Variants in CYP4Z1 observed in about 807,000 individuals in gnomAD.
CYP4Z1 encodes cytochrome P450 family 4 subfamily Z member 1.
Under a neutral mutation model 54.2 loss-of-function variants are expected in CYP4Z1, and 41 were observed. The observed-to-expected ratio is 0.76, with a 90% CI of 0.59 to 0.98. CYP4Z1 has a LOEUF of 0.98. Among genes scored for constraint, CYP4Z1 ranks in the 50% least tolerant of loss-of-function variants. The pLI is 0.00. For synonymous variants in CYP4Z1, 163 were observed against 206.2 expected (o/e 0.79, Z 1.79); for missense variants, 513 against 599.0 (o/e 0.86, Z 1.50).
At chr1:47,099,057 G>A (rs1429723862) in intron 7 of CYP4Z1, 37 bp from the exon 8 acceptor site, 1 of 1,609,300 alleles carries the variant, frequency 6.2e-7, no homozygotes, top group East Asian at 2.2e-5. Context: ...ACAATCCATA[G>A]CCAGCTTTGG....
intron 7 of CYP4Z1, among the ~76,000 whole-genome samples, chr1:47,095,257 A>G (rs1216878810): frequency 1.3e-5 from 2 of 152,176 alleles, no homozygotes; most frequent in Non-Finnish European, 2.9e-5. Flanking sequence ...CCTCAGACCT[A>G]GTGGGTTAGA....
At chr1:47,108,887 C>G (rs1165929882) in intron 9 of CYP4Z1, among the ~76,000 whole-genome samples, 2 of 151,992 alleles carry the variant, frequency 1.3e-5, no homozygotes, top group Admixed American at 1.3e-4. Flanking sequence ...TCTTCCTTAC[C>G]CAGACAGTAT....
chr1:47,062,115 C>G, the CYP4Z1 span, among the ~76,000 whole-genome samples: 3 of 152,228 alleles, frequency 2.0e-5, no homozygotes, highest in African/African-American at 7.2e-5. Flanking sequence ...CCTTGAAAAC[C>G]AGCACAAGAC....
intron 4 of CYP4Z1, 70 bp from the exon 5 acceptor site, chr1:47,084,550 G>C: frequency 6.4e-7 from 1 of 1,561,650 alleles, no homozygotes; most frequent in Non-Finnish European, 8.6e-7. Context: ...CTCTAAAAGG[G>C]ACATAAAATA....
upstream of CYP4Z1, among the ~76,000 whole-genome samples, chr1:47,064,881 G>A (rs1162323916): frequency 1.3e-5 from 2 of 152,148 alleles, no homozygotes; most frequent in Non-Finnish European, 2.9e-5. Flanking sequence ...CACCAAAAGT[G>A]AGCAGGAGTA....
chr1:47,057,006 TC>T, the CYP4Z1 span, among the ~76,000 whole-genome samples: 33 of 152,222 alleles, frequency 2.2e-4, no homozygotes, highest in African/African-American at 6.7e-4. Context: ...TGCAGTTTCT[TC>T]CTAGCTTCGA....
At chr1:47,113,025 C>G (rs780155037) in intron 9 of CYP4Z1, among the ~76,000 whole-genome samples, 7 of 151,970 alleles carry the variant, frequency 4.6e-5, no homozygotes, top group East Asian at 1.9e-4. Flanking sequence ...AGACAATACT[C>G]TCACTCTCTG....
At chr1:47,071,483 TC>T (rs1335950958) in intron 2 of CYP4Z1, among the ~76,000 whole-genome samples, 27 of 54,164 alleles carry the variant, frequency 5.0e-4, no homozygotes, top group African/African-American at 1.8e-3. Flanking sequence ...TGAAATGGTA[TC>T]TTATGGTGGT....
At chr1:47,069,371 T>G (rs544819403) in intron 2 of CYP4Z1, among the ~76,000 whole-genome samples, 20 of 152,374 alleles carry the variant, frequency 1.3e-4, no homozygotes, top group Admixed American at 7.2e-4. Context: ...CTCTCCCAGC[T>G]ACCTACATGA....
upstream of CYP4Z1, among the ~76,000 whole-genome samples, chr1:47,063,772 G>A (rs988147476): frequency 6.6e-6 from 1 of 152,096 alleles, no homozygotes; most frequent in African/African-American, 2.4e-5. Context: ...AGAATAATTG[G>A]TGTTCCCAAG....
intron 9 of CYP4Z1, 62 bp downstream of exon 9, chr1:47,106,323 A>G (rs1644757675): frequency 6.4e-7 from 1 of 1,552,662 alleles, no homozygotes; most frequent in Non-Finnish European, 8.7e-7. Flanking sequence ...ATGTCTTAAC[A>G]TACTCATGTC....
intron 11 of CYP4Z1, 83 bp from the exon 12 acceptor site, chr1:47,117,683 C>G (rs1248287659): frequency 4.3e-6 from 6 of 1,407,040 alleles, no homozygotes; most frequent in Non-Finnish European, 5.7e-6. Context: ...CTACAAAAGT[C>G]GTCATATATA....
chr1:47,098,554 T>C (rs2148536297), intron 7 of CYP4Z1, among the ~76,000 whole-genome samples: 1 of 152,374 alleles, frequency 6.6e-6, no homozygotes, highest in South Asian at 2.1e-4. Flanking sequence ...ATTCAACTTG[T>C]ATATTTTAAA....
At chr1:47,080,404 G>A (rs1363247709) in intron 2 of CYP4Z1, among the ~76,000 whole-genome samples, 1 of 30,146 alleles carries the variant, frequency 3.3e-5, no homozygotes, top group Admixed American at 3.7e-4. Context: ...TATTGACCTC[G>A]TAGCACCAAG....
chr1:47,065,012 A>T (rs1237028225), upstream of CYP4Z1, among the ~76,000 whole-genome samples: 1 of 152,222 alleles, frequency 6.6e-6, no homozygotes, highest in Non-Finnish European at 1.5e-5. Flanking sequence ...CTAAATATAT[A>T]TGCACCTAAC....
At chr1:47,114,001 C>T (rs1397825943) in intron 9 of CYP4Z1, among the ~76,000 whole-genome samples, 3 of 152,070 alleles carry the variant, frequency 2.0e-5, no homozygotes, top group African/African-American at 7.2e-5. Context: ...AATCCTAAGC[C>T]AAAAGAACAA....
intron 10 of CYP4Z1, 46 bp downstream of exon 10, chr1:47,115,639 A>G (rs762173056): frequency 2.6e-6 from 4 of 1,543,852 alleles, no homozygotes; most frequent in Non-Finnish European, 3.6e-6. Context: ...GATAGCACCA[A>G]GAGGGAAGAG....
At chr1:47,060,431 G>A in the CYP4Z1 span, among the ~76,000 whole-genome samples, 1 of 149,912 alleles carries the variant, frequency 6.7e-6, no homozygotes, top group African/African-American at 2.5e-5. Context: ...AGACAAAACA[G>A]ACTTTAAACT....
intron 10 of CYP4Z1, 27 bp downstream of exon 10, chr1:47,115,620 G>T (rs1644824719): frequency 6.2e-7 from 1 of 1,603,652 alleles, no homozygotes. Context: ...TGCACCCAGT[G>T]GCATCTAAGA....
Sources: gnomAD v4.1 joint callset for allele counts (sites outside exome capture counted in the v4.1 genomes callset) on GRCh38, gnomAD v4.1.1 for gene constraint, MANE v1.5 for transcripts, NCBI Gene and HGNC (gene_info 2026-07-23, HGNC 2026-07-21) for gene names.